Variants in CFAP44 observed in about 807,000 individuals in gnomAD.
CFAP44 encodes cilia and flagella associated protein 44, also known as cilia- and flagella-associated protein 44.
Under a neutral mutation model 216.2 loss-of-function variants are expected in CFAP44, and 134 were observed. The observed-to-expected ratio is 0.62, with a 90% CI of 0.54 to 0.72. The LOEUF is 0.72. Ranked by LOEUF, CFAP44 falls within the 30% of genes least tolerant of loss-of-function variation. CFAP44 has a pLI of 0.00. For synonymous variants in CFAP44, 700 were observed against 727.6 expected (o/e 0.96, Z 0.61); for missense variants, 2,035 against 2,182.1 (o/e 0.93, Z 1.34).
chr3:113,384,574 G>A (rs1014259394), intron 15 of CFAP44, among the ~76,000 whole-genome samples: 1 of 152,062 alleles, frequency 6.6e-6, no homozygotes, highest in Non-Finnish European at 1.5e-5. Flanking sequence ...TAAGAAAAGG[G>A]GATTAAGACA....
chr3:113,336,496 A>G (rs1340476277), intron 24 of CFAP44, among the ~76,000 whole-genome samples: 1 of 152,114 alleles, frequency 6.6e-6, no homozygotes, highest in African/African-American at 2.4e-5. Flanking sequence ...GACACAAATT[A>G]TAAAAACTAA....
rs2107327049 is a variant in CFAP44, at chr3:113,373,632, T to C, written c.2299-76A>G. ...TAAATGCATGAGAATTTTTTGATTA[T>C]TTCAAATTTGAAAACATAAAATAGA... is the stretch of plus-strand genomic sequence containing the variant. On this transcript the variant is annotated intron_variant, in intron 17 of 34. Coordinates refer to ENST00000393845, the MANE Select transcript of CFAP44 (RefSeq NM_001164496.2). 10 of 1,271,482 alleles carry C rather than the reference T, an allele frequency of 7.9e-6. 1 individual carries two copies. The highest frequency in any genetic ancestry group is 1.0e-5 in the Non-Finnish European group (10 of 976,366). The allele number at this position is 1,271,482 out of a possible 1,614,324, so 78.8% of individuals were successfully genotyped here.
At chr3:113,422,604 T>C (rs1934847267) in intron 4 of CFAP44, among the ~76,000 whole-genome samples, 1 of 152,206 alleles carries the variant, frequency 6.6e-6, no homozygotes, top group Non-Finnish European at 1.5e-5. Flanking sequence ...TCCAAAGATG[T>C]AAATGAAGCT....
At chr3:113,381,296 A>G (rs185091139) in intron 15 of CFAP44, among the ~76,000 whole-genome samples, 4 of 152,350 alleles carry the variant, frequency 2.6e-5, no homozygotes, top group Admixed American at 2.0e-4. Context: ...TATTAAAATT[A>G]GATTTACATT....
At chr3:113,366,443 T>C in intron 18 of CFAP44, 134 bp from the exon 19 acceptor site, 1 of 1,037,998 alleles carries the variant, frequency 9.6e-7, no homozygotes, top group South Asian at 1.7e-5. Flanking sequence ...AATTCCTATA[T>C]TGAAGCCCTA....
intron 1 of CFAP44, among the ~76,000 whole-genome samples, chr3:113,435,882 TG>T (rs1935227315): frequency 6.6e-6 from 1 of 150,648 alleles, no homozygotes; most frequent in Non-Finnish European, 1.5e-5. Context: ...TGTGTGTGTG[TG>T]TGTTTTCCTT....
intron 24 of CFAP44, among the ~76,000 whole-genome samples, chr3:113,334,103 C>T (rs1490246398): frequency 6.6e-6 from 1 of 152,104 alleles, no homozygotes; most frequent in Non-Finnish European, 1.5e-5. Flanking sequence ...AGGCATGCGC[C>T]ACCACACCCA....
intron 6 of CFAP44, among the ~76,000 whole-genome samples, chr3:113,409,698 G>A (rs1934399373): frequency 6.6e-6 from 1 of 152,156 alleles, no homozygotes; most frequent in South Asian, 2.1e-4. Flanking sequence ...ATTCCCAGGA[G>A]GTTGGGCTTT....
chr3:113,389,016 A>G (rs1933725754), intron 15 of CFAP44, among the ~76,000 whole-genome samples: 1 of 152,198 alleles, frequency 6.6e-6, no homozygotes, highest in Admixed American at 6.5e-5. Flanking sequence ...TGCACTATAG[A>G]CCAAATTGAC....
intron 22 of CFAP44, among the ~76,000 whole-genome samples, chr3:113,350,561 A>G (rs1950434126): frequency 6.6e-6 from 1 of 152,226 alleles, no homozygotes; most frequent in Non-Finnish European, 1.5e-5. Flanking sequence ...CCATGACCTT[A>G]TAACACTCCA....
Position 113,291,438 on chromosome 3 carries a change from G to C in CFAP44, c.*119C>G. 1.7e-6 allele frequency: 2 copies of C among 1,196,632 alleles called. No individual in the cohort carries two copies. The highest frequency in any genetic ancestry group is 5.1e-5 in the East Asian group (2 of 38,972). 74.1% of individuals were successfully genotyped at this position (1,196,632 alleles called of 1,614,324 possible). On this transcript the variant is annotated 3_prime_UTR_variant, in exon 35 of 35. Transcript: ENST00000393845. ...AAAGTGACTTAACGTGACTGGATCT[G>C]GTTTTACACTTTCAGGCGAGTTCAG...
At chr3:113,431,398 A>G (rs1935102256) in intron 2 of CFAP44, among the ~76,000 whole-genome samples, 1 of 152,210 alleles carries the variant, frequency 6.6e-6, no homozygotes, top group African/African-American at 2.4e-5. Context: ...ACAAAGGGTC[A>G]TTATCATTAA....
chr3:113,363,361 AAG>A, intron 20 of CFAP44, 54 bp from the exon 21 acceptor site: 1 of 1,575,806 alleles, frequency 6.3e-7, no homozygotes, highest in Non-Finnish European at 8.6e-7. Context: ...ACAGCAGAGA[AAG>A]AGAAAATTAG....
intron 18 of CFAP44, among the ~76,000 whole-genome samples, chr3:113,372,400 T>TA (rs200793628): frequency 0.053 from 7,992 of 152,098 alleles, 363 homozygotes; most frequent in African/African-American, 0.12. Context: ...TATGCAGCCA[T>TA]AAAAAAGGAT....
chr3:113,403,854 T>C lies in CFAP44; in HGVS notation c.1168A>G (p.Arg390Gly), dbSNP rs1427690848. 2 of 1,612,586 alleles carry C rather than the reference T, an allele frequency of 1.2e-6. No individual in the cohort carries two copies. Among genetic ancestry groups the C allele is most frequent in the Non-Finnish European group, 1.7e-6 (2 of 1,179,214 alleles). Residue 390 changes from arginine to glycine, a missense_variant and splice_region_variant, in exon 9 of 35, where the codon AGG becomes GGG. Arg to Gly is a moderately radical substitution (Grantham distance 125). Transcript: ENST00000393845. ...VITVGSDGYV[R>G]IWDFETIDTA... Reference sequence around the variant, plus strand: ...ATCCAAGTATCGAGAAAACTTACCCTAACATATCCATCTGACCCAACAGTG... The same window carrying C: ...ATCCAAGTATCGAGAAAACTTACCCCAACATATCCATCTGACCCAACAGTG...
intron 23 of CFAP44, among the ~76,000 whole-genome samples, chr3:113,344,091 G>T (rs1223557926): frequency 1.3e-5 from 2 of 152,146 alleles, no homozygotes; most frequent in Admixed American, 6.5e-5. Flanking sequence ...AGTCTGAAAT[G>T]CAGTGTTTTA....
At chr3:113,302,762 G>C (rs1415100006) in intron 32 of CFAP44, among the ~76,000 whole-genome samples, 1 of 114,622 alleles carries the variant, frequency 8.7e-6, no homozygotes, top group Admixed American at 1.1e-4. Flanking sequence ...GATAGAGTGA[G>C]ACTCCATCTC....
At chr3:113,425,463 T>C (rs1238864344) in intron 4 of CFAP44, among the ~76,000 whole-genome samples, 1 of 152,234 alleles carries the variant, frequency 6.6e-6, no homozygotes, top group Non-Finnish European at 1.5e-5. Context: ...TTTCTACATA[T>C]CTTAAAAGAC....
At chr3:113,415,337 G>C (rs928987477) in intron 6 of CFAP44, among the ~76,000 whole-genome samples, 4 of 151,622 alleles carry the variant, frequency 2.6e-5, no homozygotes, top group Non-Finnish European at 2.9e-5. Flanking sequence ...TGATTTTTTT[G>C]GAGGGTTTTT....
Sources: gnomAD v4.1 joint callset for allele counts (sites outside exome capture counted in the v4.1 genomes callset) on GRCh38, gnomAD v4.1.1 for gene constraint, MANE v1.5 for transcripts, NCBI Gene and HGNC (gene_info 2026-07-23, HGNC 2026-07-21) for gene names.